USP53: variants seen among roughly 807,000 people sequenced by gnomAD.
USP53 encodes ubiquitin specific peptidase 53.
USP53 carries 71 observed loss-of-function variants against 94.9 expected under a neutral mutation model. That is an observed-to-expected ratio of 0.75 (90% CI 0.62 to 0.91). The LOEUF is 0.91. Among genes scored for constraint, USP53 ranks in the 40% least tolerant of loss-of-function variants. The pLI is 0.00. For synonymous variants in USP53, 375 were observed against 422.7 expected, an observed-to-expected ratio of 0.89 and a Z score of 1.39; for missense variants, 1,173 against 1,281.0, an observed-to-expected ratio of 0.92 and a Z score of 1.29.
intron 9 of USP53, among the ~76,000 whole-genome samples, chr4:119,259,280 CAAAA>C (rs11348254): frequency 3.4e-5 from 4 of 119,402 alleles, no homozygotes; most frequent in Admixed American, 8.5e-5. Flanking sequence ...GACCCCATCT[CAAAA>C]AAAAAAAAAA....
chr4:119,238,919 G>A (rs1014392428), intron 4 of USP53, among the ~76,000 whole-genome samples: 1 of 152,112 alleles, frequency 6.6e-6, no homozygotes, highest in Non-Finnish European at 1.5e-5. Context: ...GAGCAATTTA[G>A]TGTTGACAGA....
chr4:119,234,180 C>T (rs1287831259), intron 3 of USP53, among the ~76,000 whole-genome samples: 2 of 152,168 alleles, frequency 1.3e-5, no homozygotes, highest in African/African-American at 4.8e-5. Flanking sequence ...TTTTCTGTCT[C>T]ATTGCATCCT....
chr4:119,241,945 T>C (rs892751303), intron 5 of USP53, among the ~76,000 whole-genome samples: 2 of 152,186 alleles, frequency 1.3e-5, no homozygotes, highest in Non-Finnish European at 2.9e-5. Context: ...TGGTTTCTGT[T>C]ACTCCATTTT....
At chr4:119,266,514 G>A (rs1027167902) in intron 12 of USP53, among the ~76,000 whole-genome samples, 4 of 152,142 alleles carry the variant, frequency 2.6e-5, no homozygotes, top group Non-Finnish European at 4.4e-5. Context: ...TTATCTCACT[G>A]TGGTTTTCAT....
At position 119,248,810 on chromosome 4, in the gene USP53, T is replaced by C; in HGVS notation, c.300T>C (p.His100=). ...CACTTCCCTCAGATAACATAAGGCATGCTCTTGCAGAAAGTTTCAAAGATG... is the reference window on the plus strand; with the variant it reads ...CACTTCCCTCAGATAACATAAGGCACGCTCTTGCAGAAAGTTTCAAAGATG... ...EKALPSDNIR[H]ALAESFKDEQ... is the part of the protein sequence containing the mutation. Residue 100 remains histidine (H), a synonymous_variant, in exon 7 of 19, where the codon CAT becomes CAC. Coordinates refer to ENST00000692078, the MANE Select transcript of USP53 (RefSeq NM_001371395.1). 6.2e-7 allele frequency: 1 copy of C among 1,614,144 alleles called. No individual in the cohort carries two copies. Among genetic ancestry groups the C allele is most frequent in the Non-Finnish European group, 8.5e-7 (1 of 1,180,024 alleles).
intron 17 of USP53, among the ~76,000 whole-genome samples, chr4:119,285,263 G>A (rs1753958618): frequency 1.3e-5 from 2 of 151,878 alleles, no homozygotes; most frequent in Non-Finnish European, 3.0e-5. Context: ...AGGTAGAACA[G>A]CTGAAGTGTT....
In USP53 at chr4:119,291,270, AT is replaced by A. The variant is rs34076547; in HGVS notation, c.2348+17del. On this transcript the variant is annotated intron_variant, in intron 18 of 18. Coordinates refer to ENST00000692078, the MANE Select transcript of USP53 (RefSeq NM_001371395.1). ...AATCATTTGATAAAAAGGTAACCAT[AT>A]TTTTTTTCCCTAAATACATGTATTA... is the stretch of plus-strand genomic sequence containing the variant. 661,633 of 1,537,430 alleles carry A rather than the reference AT, an allele frequency of 0.43. 146,707 individuals carry two copies. Among genetic ancestry groups the A allele is most frequent in the Non-Finnish European group, 0.46 (516,485 of 1,128,706 alleles).
Position 119,271,734 on chromosome 4 carries a change from T to A in USP53, c.1874T>A (p.Phe625Tyr). 1 of 1,614,046 alleles carries A rather than the reference T, an allele frequency of 6.2e-7. No homozygotes were observed. Among genetic ancestry groups the A allele is most frequent in the Non-Finnish European group, 8.5e-7 (1 of 1,180,030 alleles). ...CCTAAATCTAGCAAGGATCCGAGTT[T>A]TAGTAATTGGCCAAAAGAGAATCCA... ...NKPKSSKDPS[F>Y]SNWPKENPKQ... Residue 625 changes from phenylalanine to tyrosine, a missense_variant, in exon 16 of 19, where the codon TTT becomes TAT. Transcript: ENST00000692078.
At chr4:119,242,020 G>T (rs1229220841) in intron 5 of USP53, among the ~76,000 whole-genome samples, 1 of 151,696 alleles carries the variant, frequency 6.6e-6, no homozygotes, top group Non-Finnish European at 1.5e-5. Flanking sequence ...TGTATTTTTT[G>T]TCTTAGACAT....
intron 5 of USP53, among the ~76,000 whole-genome samples, chr4:119,244,732 T>C (rs1747991379): frequency 6.6e-6 from 1 of 152,216 alleles, no homozygotes; most frequent in South Asian, 2.1e-4. Context: ...TTTGTCTTTG[T>C]CTTTTAGTAG....
intron 17 of USP53, among the ~76,000 whole-genome samples, chr4:119,274,379 A>C (rs544527923): frequency 1.6e-3 from 238 of 151,964 alleles, no homozygotes; most frequent in Admixed American, 4.6e-3. Context: ...TAGTTTACTG[A>C]GAATGATGAT....
At chr4:119,251,189 A>G (rs1748954312) in intron 7 of USP53, among the ~76,000 whole-genome samples, 1 of 152,074 alleles carries the variant, frequency 6.6e-6, no homozygotes, top group Non-Finnish European at 1.5e-5. Flanking sequence ...TTTGCTGAGA[A>G]TGATGGTTTC....
intron 17 of USP53, among the ~76,000 whole-genome samples, chr4:119,280,657 C>A (rs979347061): frequency 6.6e-6 from 1 of 152,140 alleles, no homozygotes; most frequent in Non-Finnish European, 1.5e-5. Flanking sequence ...AAAGGGGAAA[C>A]TCTATCAGGA....
rs923725092 is a variant in USP53, at chr4:119,294,063, C to T, written c.*852C>T. 3.3e-5 allele frequency: 5 copies of T among 151,796 alleles called. No individual in the cohort carries two copies. Among genetic ancestry groups the T allele is most frequent in the South Asian group, 2.1e-4 (1 of 4,814 alleles). The allele number at this position is 151,796 out of a possible 1,614,324, so 9.4% of individuals were successfully genotyped here. A position where few individuals can be genotyped will look rare whatever the true frequency, so the allele number is the denominator to read the frequency against. On this transcript the variant is annotated 3_prime_UTR_variant, in exon 19 of 19. Coordinates refer to ENST00000692078, the MANE Select transcript of USP53 (RefSeq NM_001371395.1). ...TAAACTTTAGTGTATTTATTTATCTCGTTACTTTTTTTCTAATTTTATATG... is the reference window on the plus strand; with the variant it reads ...TAAACTTTAGTGTATTTATTTATCTTGTTACTTTTTTTCTAATTTTATATG...
intron 7 of USP53, among the ~76,000 whole-genome samples, chr4:119,251,689 TTGACTTCA>T (rs1330281370): frequency 2.6e-5 from 4 of 152,222 alleles, no homozygotes; most frequent in Non-Finnish European, 5.9e-5. Context: ...CTTGCCTGAT[TTGACTTCA>T]TCTCTTCCTA....
At chr4:119,289,031 T>C (rs1754439876) in intron 17 of USP53, among the ~76,000 whole-genome samples, 1 of 152,178 alleles carries the variant, frequency 6.6e-6, no homozygotes, top group African/African-American at 2.4e-5. Context: ...TAAAAACTAT[T>C]TTTGTTACTA....
intron 17 of USP53, among the ~76,000 whole-genome samples, chr4:119,283,367 A>G (rs1753723676): frequency 6.6e-6 from 1 of 152,004 alleles, no homozygotes; most frequent in Non-Finnish European, 1.5e-5. Context: ...CAGGGATAGA[A>G]GCGAAATTAT....
intron 13 of USP53, among the ~76,000 whole-genome samples, chr4:119,267,889 C>T (rs1751347540): frequency 6.6e-6 from 1 of 152,144 alleles, no homozygotes; most frequent in African/African-American, 2.4e-5. Context: ...TAATCTGGGC[C>T]GGGCGCGGTG....
At chr4:119,264,962 C>T (rs75578839) in intron 12 of USP53, among the ~76,000 whole-genome samples, 7,367 of 152,092 alleles carry the variant, frequency 0.048, 248 homozygotes, top group Middle Eastern at 0.088. Flanking sequence ...TAATACTCAG[C>T]AAGAAGGACT....
Sources: gnomAD v4.1 joint callset for allele counts (sites outside exome capture counted in the v4.1 genomes callset) on GRCh38, gnomAD v4.1.1 for gene constraint, MANE v1.5 for transcripts, NCBI Gene and HGNC (gene_info 2026-07-23, HGNC 2026-07-21) for gene names.